Variants in BLOC1S5 observed in about 807,000 individuals in gnomAD.
BLOC1S5 encodes the protein biogenesis of lysosomal organelles complex 1 subunit 5, also known as biogenesis of lysosome-related organelles complex 1 subunit 5.
A neutral mutation model predicts 24.3 loss-of-function variants in BLOC1S5; 27 were observed. The observed-to-expected ratio is 1.11, with a 90% CI of 0.82 to 1.53. BLOC1S5 has a LOEUF of 1.53. Among genes scored for constraint, BLOC1S5 ranks in the 40% most tolerant of loss-of-function variants. BLOC1S5 has a pLI of 0.00. For missense variants in BLOC1S5, 239 were observed against 229.4 expected (o/e 1.04, Z -0.27); for synonymous variants, 84 against 74.5 (o/e 1.13, Z -0.66).
At chr6:8,035,854 T>C (rs1329352028) in intron 3 of BLOC1S5, among the ~76,000 whole-genome samples, 3 of 152,106 alleles carry the variant, frequency 2.0e-5, no homozygotes. Context: ...AGAGAAACAT[T>C]GGAGAGTTCA....
At chr6:8,051,955 T>C (rs1359838241) in intron 2 of BLOC1S5, among the ~76,000 whole-genome samples, 4 of 149,290 alleles carry the variant, frequency 2.7e-5, no homozygotes, top group South Asian at 2.1e-4. Flanking sequence ...TGTCTGCTGA[T>C]AGAACATCCA....
At chr6:8,029,912 A>G (rs1455341622) in intron 3 of BLOC1S5, among the ~76,000 whole-genome samples, 6 of 152,224 alleles carry the variant, frequency 3.9e-5, no homozygotes, top group Non-Finnish European at 7.3e-5. Flanking sequence ...AACAAGACAG[A>G]GGAGATGGGA....
Position 8,040,002 on chromosome 6 carries a change from G to T in BLOC1S5, c.325+1137C>A, listed in dbSNP as rs189292488. ...GGTGAAAAGTCGTGAAGTTAAGTGG[G>T]AACTAACAAAGTAGACTGAGAAGGA... On this transcript the variant is annotated intron_variant, in intron 3 of 4. Transcript: ENST00000397457. Among the ~76,000 whole-genome samples the T allele has an allele frequency of 1.4e-4, 22 of 152,320 alleles. 1 individual carries two copies. In the East Asian group the frequency reaches 4.0e-3, roughly 28 times the overall value.
chr6:8,027,201 A>T (rs1055619085), intron 3 of BLOC1S5: 2 of 322,278 alleles, frequency 6.2e-6, no homozygotes, highest in African/African-American at 4.3e-5. Context: ...AAATGTTCTT[A>T]CTTACTTTAT....
At chr6:8,027,284 T>C (rs1763139676) in intron 3 of BLOC1S5, 1 of 454,506 alleles carries the variant, frequency 2.2e-6, no homozygotes, top group Admixed American at 2.4e-5. Context: ...GTGTGAATGA[T>C]CTTGGGCATG....
intron 3 of BLOC1S5, among the ~76,000 whole-genome samples, chr6:8,035,813 A>G (rs1048903410): frequency 6.6e-6 from 1 of 152,178 alleles, no homozygotes; most frequent in Non-Finnish European, 1.5e-5. Flanking sequence ...CATTCTTAGT[A>G]ATGGACAGAT....
At chr6:8,051,348 C>T (rs1581429188) in intron 2 of BLOC1S5, among the ~76,000 whole-genome samples, 1 of 152,162 alleles carries the variant, frequency 6.6e-6, no homozygotes, top group African/African-American at 2.4e-5. Flanking sequence ...TAACTCTATT[C>T]AATCCTATGA....
chr6:8,058,613 C>T (rs935777877), intron 2 of BLOC1S5, among the ~76,000 whole-genome samples: 1 of 152,106 alleles, frequency 6.6e-6, no homozygotes, highest in Admixed American at 6.5e-5. Context: ...CTGCTTGAAC[C>T]CAGCAGGTTG....
chr6:8,050,601 CTT>C (rs35623258), intron 2 of BLOC1S5, among the ~76,000 whole-genome samples: 4 of 137,782 alleles, frequency 2.9e-5, no homozygotes, highest in African/African-American at 2.6e-5. Context: ...GGAAAAGAAA[CTT>C]TTTTTTTTTT....
chr6:8,059,290 AG>A (rs1378295632), intron 2 of BLOC1S5, among the ~76,000 whole-genome samples: 1 of 152,260 alleles, frequency 6.6e-6, no homozygotes, highest in Non-Finnish European at 1.5e-5. Flanking sequence ...ACAAAAAGAG[AG>A]CTTAAAATAG....
At chr6:8,022,571 T>TAAAACAA (rs1561855021) in intron 4 of BLOC1S5, among the ~76,000 whole-genome samples, 4 of 82,938 alleles carry the variant, frequency 4.8e-5, no homozygotes, top group African/African-American at 1.9e-4. Flanking sequence ...AAACTCTATT[T>TAAAACAA]TTTTTTTCTT....
intron 4 of BLOC1S5, among the ~76,000 whole-genome samples, chr6:8,021,257 TGAG>T (rs1762906533): frequency 6.6e-6 from 1 of 152,062 alleles, no homozygotes; most frequent in South Asian, 2.1e-4. Context: ...GAAAGGGGAA[TGAG>T]GAGTTACCGT....
intron 2 of BLOC1S5, among the ~76,000 whole-genome samples, chr6:8,041,654 T>C (rs1485793766): frequency 6.1e-5 from 6 of 97,700 alleles, no homozygotes; most frequent in Non-Finnish European, 1.4e-4. Context: ...TTTCTTTCTT[T>C]CTTTTTTTTT....
intron 3 of BLOC1S5, among the ~76,000 whole-genome samples, chr6:8,031,204 T>A (rs554713170): frequency 6.5e-4 from 99 of 152,318 alleles, no homozygotes; most frequent in African/African-American, 2.2e-3. Flanking sequence ...TAGTCACTGA[T>A]GATATTATCG....
chr6:8,036,185 T>C (rs1349553882), intron 3 of BLOC1S5, among the ~76,000 whole-genome samples: 1 of 151,470 alleles, frequency 6.6e-6, no homozygotes, highest in Non-Finnish European at 1.5e-5. Flanking sequence ...AAAATGAAAA[T>C]ACAACATACC....
chr6:8,050,719 C>T (rs900523889), intron 2 of BLOC1S5, among the ~76,000 whole-genome samples: 7 of 151,780 alleles, frequency 4.6e-5, no homozygotes, highest in African/African-American at 1.2e-4. Flanking sequence ...TCTCATGCCT[C>T]GGCCTCCCAA....
intron 2 of BLOC1S5, among the ~76,000 whole-genome samples, chr6:8,053,402 C>T (rs1042668626): frequency 2.6e-5 from 4 of 152,184 alleles, no homozygotes; most frequent in Non-Finnish European, 2.9e-5. Flanking sequence ...TCTGCAACCA[C>T]CACCCTGATC....
chr6:8,064,221 C>A, intron 1 of BLOC1S5, 44 bp downstream of exon 1: 1 of 1,519,892 alleles, frequency 6.6e-7, no homozygotes, highest in Non-Finnish European at 8.9e-7. Flanking sequence ...GGAGATGAGG[C>A]TGTGCTGGGA....
chr6:8,063,048 T>C lies in BLOC1S5; in HGVS notation c.113-432A>G, dbSNP rs75363203. On this transcript the variant is annotated intron_variant, in intron 1 of 4. Transcript: ENST00000397457. ...CAACATAAATATAAAAAATAATACGTATTTTATAATAAATATAATAAAAAA... is the reference window on the plus strand; with the variant it reads ...CAACATAAATATAAAAAATAATACGCATTTTATAATAAATATAATAAAAAA... Among the ~76,000 whole-genome samples, 18 of 152,156 alleles carry C rather than the reference T, an allele frequency of 1.2e-4. No individual in the cohort carries two copies. The East Asian group carries it at 3.3e-3, about 28-fold the overall frequency.
Sources: gnomAD v4.1 joint callset for allele counts (sites outside exome capture counted in the v4.1 genomes callset) on GRCh38, gnomAD v4.1.1 for gene constraint, MANE v1.5 for transcripts, NCBI Gene and HGNC (gene_info 2026-07-23, HGNC 2026-07-21) for gene names.